Variants in PCSK6 observed in about 807,000 individuals in gnomAD.
The protein encoded by PCSK6 is paired basic amino acid cleaving enzyme 4.
A neutral mutation model predicts 123.3 loss-of-function variants in PCSK6; 85 were observed. The observed-to-expected ratio is 0.69, with a 90% CI of 0.58 to 0.83. The LOEUF is 0.83. PCSK6 is among the 40% of genes least tolerant of loss of function. PCSK6 has a pLI of 0.00. For synonymous variants in PCSK6, 508 were observed against 516.0 expected (o/e 0.98, Z 0.21); for missense variants, 1,191 against 1,282.3 (o/e 0.93, Z 1.09).
intron 7 of PCSK6, among the ~76,000 whole-genome samples, chr15:101,395,510 G>A (rs774475243): frequency 1.4e-4 from 22 of 152,308 alleles, no homozygotes; most frequent in East Asian, 3.9e-4. Flanking sequence ...TCCTTAAAAC[G>A]GTTTCTGGGA....
Position 101,366,259 on chromosome 15 carries a change from C to G in PCSK6, c.1795G>C (p.Glu599Gln). The G allele has an allele frequency of 1.9e-6, 3 of 1,613,862 alleles. No individual in the cohort carries two copies. Among genetic ancestry groups the G allele is most frequent in the Non-Finnish European group, 2.5e-6 (3 of 1,179,824 alleles). The change falls in exon 13 of 22, where the codon GAA (glutamate) becomes CAA (glutamine). Residue 599 changes from glutamate to glutamine, a missense_variant. Transcript: ENST00000611716. The part of the protein sequence containing the change: ...MTVHCWGEKA[E>Q]GQWTLEIQDL... The stretch of plus-strand genomic sequence containing the variant: ...TGGATTTCCAAGGTCCACTGCCCTT[C>G]AGCCTTTTCTCCCCAGCAGTGGACA...
intron 6 of PCSK6, among the ~76,000 whole-genome samples, chr15:101,402,559 C>T (rs1470976353): frequency 6.6e-6 from 1 of 152,148 alleles, no homozygotes; most frequent in Non-Finnish European, 1.5e-5. Context: ...ACAATGAACT[C>T]AAACAAATTT....
intron 13 of PCSK6, among the ~76,000 whole-genome samples, chr15:101,357,428 C>T (rs1008873278): frequency 6.6e-5 from 10 of 152,222 alleles, no homozygotes; most frequent in South Asian, 6.2e-4. Flanking sequence ...TGCATTTTCC[C>T]GGCCTCTAGA....
At chr15:101,415,576 C>T (rs1034813458) in intron 6 of PCSK6, among the ~76,000 whole-genome samples, 2 of 152,214 alleles carry the variant, frequency 1.3e-5, no homozygotes, top group Middle Eastern at 3.2e-3. Context: ...TAATCTGATA[C>T]AGATTTTTTT....
At chr15:101,487,079 T>C (rs1164075421) in intron 1 of PCSK6, among the ~76,000 whole-genome samples, 1 of 152,252 alleles carries the variant, frequency 6.6e-6, no homozygotes, top group Non-Finnish European at 1.5e-5. Context: ...AATAAGGTTT[T>C]CAAAGAGTTC....
chr15:101,396,754 T>G (rs1399254168), intron 7 of PCSK6, among the ~76,000 whole-genome samples: 2 of 152,210 alleles, frequency 1.3e-5, no homozygotes, highest in South Asian at 2.1e-4. Flanking sequence ...CCTCGGTGTT[T>G]TCTTGGGGGA....
At chr15:101,465,949 A>C (rs1359767562) in intron 1 of PCSK6, among the ~76,000 whole-genome samples, 1 of 152,138 alleles carries the variant, frequency 6.6e-6, no homozygotes, top group Non-Finnish European at 1.5e-5. Context: ...CAAATGTAAC[A>C]AACAGAAAAG....
chr15:101,401,483 C>T (rs2042584542), intron 6 of PCSK6, among the ~76,000 whole-genome samples: 1 of 152,232 alleles, frequency 6.6e-6, no homozygotes, highest in Non-Finnish European at 1.5e-5. Context: ...TGCCTCGACG[C>T]CTGCTCCCAA....
chr15:101,388,741 G>A (rs564787853), intron 9 of PCSK6, among the ~76,000 whole-genome samples: 3 of 152,142 alleles, frequency 2.0e-5, no homozygotes, highest in African/African-American at 4.8e-5. Flanking sequence ...ATTTTGATAC[G>A]TTCTACAAAC....
rs1356455179 is a variant in PCSK6 at position 101,445,578 on chromosome 15, GC to G, written c.298-1919del. Reference sequence around the variant, plus strand: ...GCTCACTTCTTCAACAAAGTTAACTGCCACACGTGTCAAAAGGCTCCTCCTC... The same window carrying G: ...GCTCACTTCTTCAACAAAGTTAACTGCACACGTGTCAAAAGGCTCCTCCTC... On this transcript the variant is annotated intron_variant, in intron 1 of 21. Transcript: ENST00000611716. Among the ~76,000 whole-genome samples the G allele has an allele frequency of 2.6e-5, 4 of 152,168 alleles. No individual in the cohort carries two copies. In the East Asian group the frequency reaches 5.8e-4, roughly 22 times the overall value.
chr15:101,377,994 C>T (rs1339361490), intron 11 of PCSK6, among the ~76,000 whole-genome samples: 1 of 152,190 alleles, frequency 6.6e-6, no homozygotes, highest in East Asian at 1.9e-4. Flanking sequence ...AGGTGGGAGT[C>T]ATGCATATCA....
At chr15:101,479,898 G>A (rs926133920) in intron 1 of PCSK6, among the ~76,000 whole-genome samples, 3 of 152,176 alleles carry the variant, frequency 2.0e-5, no homozygotes, top group African/African-American at 7.2e-5. Flanking sequence ...GTCCTCCCAG[G>A]GGGACAGTCC....
At chr15:101,375,233 G>A (rs926730163) in intron 11 of PCSK6, among the ~76,000 whole-genome samples, 7 of 152,124 alleles carry the variant, frequency 4.6e-5, no homozygotes, top group African/African-American at 1.4e-4. Context: ...GATTACAGGC[G>A]TGAGCCACGG....
At chr15:101,404,205 G>C (rs1428012537) in intron 6 of PCSK6, among the ~76,000 whole-genome samples, 1 of 152,124 alleles carries the variant, frequency 6.6e-6, no homozygotes, top group South Asian at 2.1e-4. Context: ...AAGATCAAAG[G>C]AGTCGTAACA....
chr15:101,439,088 G>C (rs1177155460), intron 2 of PCSK6, among the ~76,000 whole-genome samples: 2 of 152,246 alleles, frequency 1.3e-5, no homozygotes, highest in African/African-American at 2.4e-5. Flanking sequence ...GGAGGGCAGT[G>C]CAGTGGTGCA....
At chr15:101,484,139 G>A (rs1191179660) in intron 1 of PCSK6, among the ~76,000 whole-genome samples, 3 of 152,086 alleles carry the variant, frequency 2.0e-5, no homozygotes, top group Admixed American at 6.5e-5. Context: ...AGTACAAAAT[G>A]TCTAGGCACA....
intron 12 of PCSK6, among the ~76,000 whole-genome samples, chr15:101,366,931 A>G (rs1040088369): frequency 1.3e-5 from 2 of 152,242 alleles, no homozygotes; most frequent in African/African-American, 4.8e-5. Context: ...GCTTGTGGGG[A>G]AAGTTCTGTC....
chr15:101,479,580 G>C (rs542168889), intron 1 of PCSK6, among the ~76,000 whole-genome samples: 1 of 152,176 alleles, frequency 6.6e-6, no homozygotes, highest in Non-Finnish European at 1.5e-5. Context: ...GGCTGTGGTC[G>C]GTGCATGCAG....
chr15:101,410,639 G>A (rs1532364), intron 6 of PCSK6, among the ~76,000 whole-genome samples: 44,213 of 152,058 alleles, frequency 0.29, 7,094 homozygotes, highest in African/African-American at 0.44. Context: ...CACTGCGAAG[G>A]CTTCCCCTTC....
Sources: allele counts gnomAD v4.1 joint callset (sites outside exome capture counted in the v4.1 genomes callset), GRCh38; gene constraint gnomAD v4.1.1; transcripts MANE v1.5; gene names NCBI Gene and HGNC (gene_info 2026-07-23, HGNC 2026-07-21).